Variants in GNAT3 observed in about 807,000 individuals in gnomAD.
GNAT3 encodes guanine nucleotide-binding protein G(t) subunit alpha-3.
Under a neutral mutation model 37.7 loss-of-function variants are expected in GNAT3, and 31 were observed. The observed-to-expected ratio is 0.82, with a 90% CI of 0.62 to 1.11. The LOEUF is 1.11. Ranked by LOEUF, GNAT3 falls within the 50% of genes most tolerant of loss-of-function variation. The pLI is 0.00. For missense variants in GNAT3, 437 were observed against 412.5 expected, an observed-to-expected ratio of 1.06 and a Z score of -0.51; for synonymous variants, 138 against 139.8, an observed-to-expected ratio of 0.99 and a Z score of 0.09.
intron 1 of GNAT3, among the ~76,000 whole-genome samples, chr7:80,494,888 GCT>G (rs1790686883): frequency 6.6e-6 from 1 of 151,892 alleles, no homozygotes; most frequent in South Asian, 2.1e-4. Context: ...TCCCTCTCAT[GCT>G]CTCACTTTTC....
At chr7:80,459,196 A>G (rs1321651306) in intron 7 of GNAT3, among the ~76,000 whole-genome samples, 1 of 152,208 alleles carries the variant, frequency 6.6e-6, no homozygotes. Flanking sequence ...ACAAATTAAA[A>G]GAGAAAAAGA....
intron 5 of GNAT3, among the ~76,000 whole-genome samples, chr7:80,473,199 C>A (rs904718559): frequency 2.0e-5 from 3 of 152,112 alleles, no homozygotes; most frequent in Non-Finnish European, 4.4e-5. Context: ...GTCCCTTTAC[C>A]CTGGTTTAAT....
chr7:80,501,911 C>T (rs1790840765), intron 1 of GNAT3, among the ~76,000 whole-genome samples: 1 of 151,982 alleles, frequency 6.6e-6, no homozygotes, highest in African/African-American at 2.4e-5. Flanking sequence ...AATTCCTCAT[C>T]AGCCAAACTA....
At chr7:80,506,816 G>T (rs1790953099) in intron 1 of GNAT3, among the ~76,000 whole-genome samples, 1 of 152,218 alleles carries the variant, frequency 6.6e-6, no homozygotes, top group South Asian at 2.1e-4. Flanking sequence ...TATATACATT[G>T]TGAAATTGTT....
intron 1 of GNAT3, among the ~76,000 whole-genome samples, chr7:80,503,770 A>G (rs1292849786): frequency 6.6e-6 from 1 of 152,238 alleles, no homozygotes; most frequent in Non-Finnish European, 1.5e-5. Context: ...TGATCAGGTC[A>G]CTGACAGATA....
rs1791076071 is a variant in GNAT3 at position 80,511,982 on chromosome 7, A to G, written c.-56T>C. On this transcript the variant is annotated 5_prime_UTR_variant, in exon 1 of 8. Coordinates refer to ENST00000398291, the MANE Select transcript of GNAT3 (RefSeq NM_001102386.3). ...TGTTCAGATTTTTCAAATGTTGAGC[A>G]CAGCTGTGGTTTGGACATAGGAGGC... 1 of 1,272,328 alleles carries G rather than the reference A, an allele frequency of 7.9e-7. No individual in the cohort carries two copies. The highest frequency in any genetic ancestry group is 1.5e-5 in the African/African-American group (1 of 68,108). 78.8% of individuals were successfully genotyped at this position (1,272,328 alleles called of 1,614,324 possible). A position where few individuals can be genotyped will look rare whatever the true frequency, so the allele number is the denominator to read the frequency against.
chr7:80,475,313 A>C (rs957949153), intron 4 of GNAT3, among the ~76,000 whole-genome samples: 6 of 151,896 alleles, frequency 4.0e-5, no homozygotes, highest in East Asian at 1.9e-4. Flanking sequence ...AGGAAAAAAA[A>C]CCTGCTCTCA....
At chr7:80,485,170 G>GT (rs35827464) in intron 3 of GNAT3, among the ~76,000 whole-genome samples, 76,725 of 146,488 alleles carry the variant, frequency 0.52, 23,438 homozygotes, top group Non-Finnish European at 0.68. Context: ...AATATTGTGT[G>GT]TTTTTTTTTT....
chr7:80,496,346 G>T (rs1790715809), intron 1 of GNAT3, among the ~76,000 whole-genome samples: 1 of 152,086 alleles, frequency 6.6e-6, no homozygotes, highest in Non-Finnish European at 1.5e-5. Flanking sequence ...GGTTAGGCTA[G>T]TCTCAAACTC....
chr7:80,487,608 C>T (rs148484808), intron 3 of GNAT3: 2 of 152,246 alleles, frequency 1.3e-5, no homozygotes, highest in East Asian at 3.9e-4. Context: ...GTCCACTAAG[C>T]TGGGGGAGGG....
intron 4 of GNAT3, 86 bp downstream of exon 4, chr7:80,478,755 G>T: frequency 1.0e-5 from 13 of 1,298,022 alleles, no homozygotes; most frequent in South Asian, 2.8e-5. Context: ...TTCCTCATTT[G>T]AATTTACAAA....
At chr7:80,474,597 A>G (rs1247056003) in intron 4 of GNAT3, among the ~76,000 whole-genome samples, 2 of 152,154 alleles carry the variant, frequency 1.3e-5, no homozygotes, top group African/African-American at 4.8e-5. Flanking sequence ...AACTATGCTC[A>G]TCGAATTAAA....
intron 1 of GNAT3, among the ~76,000 whole-genome samples, chr7:80,496,181 A>G (rs1213506426): frequency 6.6e-6 from 1 of 152,102 alleles, no homozygotes; most frequent in Non-Finnish European, 1.5e-5. Flanking sequence ...CCCAGGCTGG[A>G]GTGCAGTGGC....
chr7:80,462,559 A>C lies in GNAT3; in HGVS notation c.663T>G (p.Ile221Met). ...AGGCACTAAGTGCAGCACAAAATAT[A>C]ATGCATGTAACTCCTTCAAAGCAGT... ...WIHCFEGVTC[I>M]IFCAALSAYD... Residue 221 changes from isoleucine (I) to methionine (M), a missense_variant, in exon 6 of 8, where the codon ATT becomes ATG. Coordinates refer to ENST00000398291, the MANE Select transcript of GNAT3 (RefSeq NM_001102386.3). 6.2e-7 allele frequency: 1 copy of C among 1,612,934 alleles called. No homozygotes were observed.
chr7:80,474,643 C>G (rs372478892), intron 4 of GNAT3, among the ~76,000 whole-genome samples: 4 of 152,132 alleles, frequency 2.6e-5, no homozygotes, highest in Non-Finnish European at 5.9e-5. Flanking sequence ...ATGCAGAGTG[C>G]TGAATGTGGC....
At chr7:80,467,464 C>T (rs181820809) in intron 5 of GNAT3, among the ~76,000 whole-genome samples, 6 of 152,114 alleles carry the variant, frequency 3.9e-5, no homozygotes, top group Admixed American at 2.6e-4. Context: ...TGTATTGATT[C>T]TCTTGGACAC....
chr7:80,490,372 A>T (rs2116195618), intron 2 of GNAT3, among the ~76,000 whole-genome samples: 1 of 152,308 alleles, frequency 6.6e-6, no homozygotes, highest in South Asian at 2.1e-4. Context: ...TCTGTTGAAG[A>T]GGACTGAGTT....
chr7:80,469,486 ATTTAT>A (rs1316064481), intron 5 of GNAT3, among the ~76,000 whole-genome samples: 1 of 152,124 alleles, frequency 6.6e-6, no homozygotes, highest in Non-Finnish European at 1.5e-5. Context: ...TATAAAGATA[ATTTAT>A]TTTATCAGTT....
At chr7:80,459,359 G>C (rs1222010892) in intron 7 of GNAT3, among the ~76,000 whole-genome samples, 1 of 152,192 alleles carries the variant, frequency 6.6e-6, no homozygotes, top group Non-Finnish European at 1.5e-5. Flanking sequence ...AACAGACTGA[G>C]CTTTGAAGAA....
Sources: gnomAD v4.1 joint callset for allele counts (sites outside exome capture counted in the v4.1 genomes callset) on GRCh38, gnomAD v4.1.1 for gene constraint, MANE v1.5 for transcripts, NCBI Gene and HGNC (gene_info 2026-07-23, HGNC 2026-07-21) for gene names.